Variants in CFHR2 observed in about 807,000 individuals in gnomAD.
The protein encoded by CFHR2 is complement factor H-related protein 2.
CFHR2 carries 22 observed loss-of-function variants against 21.7 expected under a neutral mutation model. That is an observed-to-expected ratio of 1.01 (90% confidence interval 0.72 to 1.45). The LOEUF is 1.45. CFHR2 is among the 40% of genes most tolerant of loss of function. CFHR2 has a pLI of 0.00. For missense variants in CFHR2, 294 were observed against 293.3 expected (o/e 1.00, Z -0.02); for synonymous variants, 98 against 97.4 (o/e 1.01, Z -0.04).
intron 1 of CFHR2, among the ~76,000 whole-genome samples, chr1:196,945,857 C>T (rs191804714): frequency 2.6e-5 from 4 of 151,388 alleles, no homozygotes; most frequent in South Asian, 2.1e-4. Context: ...AGAAGTGCGT[C>T]CTTAGGCGAT....
chr1:196,946,679 G>A (rs778018064), intron 1 of CFHR2, among the ~76,000 whole-genome samples: 1 of 152,136 alleles, frequency 6.6e-6, no homozygotes, highest in Non-Finnish European at 1.5e-5. Context: ...AAGATCTTCA[G>A]GGCAGTAACA....
Position 196,952,197 on chromosome 1 carries a change from G to A in CFHR2, c.430+1169G>A, listed in dbSNP as rs147767602. Among the ~76,000 whole-genome samples the A allele has an allele frequency of 6.3e-3, 964 of 152,278 alleles. 9 individuals are homozygous for A. The highest frequency in any genetic ancestry group is 0.022 in the African/African-American group (896 of 41,560). ...AGTCTGAAGTAGGAGGATCACTTGA[G>A]CCCAGGTGTTCAAGGCTGCAGTGAG... On this transcript the variant is annotated intron_variant, in intron 3 of 4. Coordinates refer to ENST00000367415, the MANE Select transcript of CFHR2 (RefSeq NM_005666.4).
chr1:196,955,056 C>T (rs376934208), intron 3 of CFHR2, among the ~76,000 whole-genome samples: 1 of 152,224 alleles, frequency 6.6e-6, no homozygotes, highest in East Asian at 1.9e-4. Flanking sequence ...TGAGTTTTCT[C>T]TTCTACCACA....
chr1:196,949,867 G>C (rs567496248), intron 2 of CFHR2, among the ~76,000 whole-genome samples: 1 of 152,122 alleles, frequency 6.6e-6, no homozygotes, highest in Non-Finnish European at 1.5e-5. Context: ...TCTACATGTT[G>C]AAATATATCA....
rs151252470 is a variant in CFHR2 at position 196,946,598 on chromosome 1, A to G, written c.58+2660A>G. Among the ~76,000 whole-genome samples the G allele has an allele frequency of 6.6e-3, 1,008 of 152,304 alleles. 12 individuals carry two copies. Among genetic ancestry groups the G allele is most frequent in the African/African-American group, 0.023 (967 of 41,554 alleles). ...GTTAAAAACAGACACAAACACACAT[A>G]TTAACCTCAGCCTACAAAGGGTTAG... is the stretch of plus-strand genomic sequence containing the variant. On this transcript the variant is annotated intron_variant, in intron 1 of 4. Coordinates refer to ENST00000367415, the MANE Select transcript of CFHR2 (RefSeq NM_005666.4).
intron 3 of CFHR2, among the ~76,000 whole-genome samples, chr1:196,955,331 G>A (rs138137447): frequency 3.9e-4 from 60 of 152,180 alleles, no homozygotes; most frequent in African/African-American, 1.3e-3. Context: ...TAAGCATTTT[G>A]GTCAAAACCA....
At chr1:196,955,542 G>T (rs1458604828) in intron 3 of CFHR2, among the ~76,000 whole-genome samples, 2 of 152,040 alleles carry the variant, frequency 1.3e-5, no homozygotes, top group Non-Finnish European at 1.5e-5. Context: ...CTCCAACCTG[G>T]GTAATATATC....
intron 3 of CFHR2, among the ~76,000 whole-genome samples, chr1:196,955,547 T>A (rs1200047771): frequency 6.6e-6 from 1 of 152,122 alleles, no homozygotes; most frequent in Non-Finnish European, 1.5e-5. Flanking sequence ...ACCTGGGTAA[T>A]ATATCAGTAA....
At chr1:196,945,722 G>A (rs200687608) in intron 1 of CFHR2, among the ~76,000 whole-genome samples, 18,286 of 133,116 alleles carry the variant, frequency 0.14, 1,406 homozygotes, top group Middle Eastern at 0.29. Flanking sequence ...CTAAAGAAAA[G>A]CAAAATGTAA....
At chr1:196,947,352 A>G (rs1265710517) in intron 1 of CFHR2, among the ~76,000 whole-genome samples, 5 of 152,200 alleles carry the variant, frequency 3.3e-5, no homozygotes, top group Admixed American at 2.0e-4. Context: ...GGTACAATAT[A>G]ACTGGGTGAT....
chr1:196,950,135 G>A (rs1253387932), intron 2 of CFHR2, among the ~76,000 whole-genome samples: 1 of 152,012 alleles, frequency 6.6e-6, no homozygotes, highest in East Asian at 1.9e-4. Flanking sequence ...AATGATAACA[G>A]GTATATTAAA....
At chr1:196,952,180 G>A (rs571335864) in intron 3 of CFHR2, among the ~76,000 whole-genome samples, 398 of 152,292 alleles carry the variant, frequency 2.6e-3, no homozygotes, top group Non-Finnish European at 4.3e-3. Flanking sequence ...TAAGTCTGAA[G>A]TAGGAGGATC....
chr1:196,958,113 G>T, intron 4 of CFHR2, 40 bp downstream of exon 4: 1 of 1,571,174 alleles, frequency 6.4e-7, no homozygotes, highest in Non-Finnish European at 8.8e-7. Flanking sequence ...GGAAAAATCA[G>T]TGTGATGAGT....
chr1:196,948,199 A>T (rs1443508259), intron 1 of CFHR2, among the ~76,000 whole-genome samples: 6 of 152,178 alleles, frequency 3.9e-5, no homozygotes, highest in Non-Finnish European at 8.8e-5. Context: ...ATCCAAGGAT[A>T]TGCAAGTCTC....
chr1:196,957,345 CTT>C (rs5779854), intron 3 of CFHR2, among the ~76,000 whole-genome samples: 24 of 140,062 alleles, frequency 1.7e-4, no homozygotes, highest in Admixed American at 4.3e-4. Context: ...TGTTCTTTTC[CTT>C]TTTTTTTTTT....
intron 1 of CFHR2, among the ~76,000 whole-genome samples, chr1:196,944,432 A>T (rs1401190690): frequency 2.6e-5 from 4 of 152,078 alleles, no homozygotes; most frequent in Non-Finnish European, 5.9e-5. Flanking sequence ...CTGAAACAAT[A>T]GAAAATATCA....
At chr1:196,951,562 C>T (rs1242184259) in intron 3 of CFHR2, among the ~76,000 whole-genome samples, 2 of 152,074 alleles carry the variant, frequency 1.3e-5, no homozygotes, top group Non-Finnish European at 2.9e-5. Context: ...AATGATGGCA[C>T]CTCCCAGTCC....
intron 3 of CFHR2, among the ~76,000 whole-genome samples, chr1:196,951,752 G>A (rs1242824027): frequency 6.6e-6 from 1 of 152,088 alleles, no homozygotes; most frequent in Non-Finnish European, 1.5e-5. Flanking sequence ...ACTATGCCCA[G>A]TAACTTCTGG....
intron 1 of CFHR2, among the ~76,000 whole-genome samples, chr1:196,948,696 T>C (rs1659612189): frequency 6.6e-6 from 1 of 152,172 alleles, no homozygotes; most frequent in African/African-American, 2.4e-5. Flanking sequence ...TATTGTCTTT[T>C]TATTGTTTTT....
Sources: gnomAD v4.1 joint callset for allele counts (sites outside exome capture counted in the v4.1 genomes callset) on GRCh38, gnomAD v4.1.1 for gene constraint, MANE v1.5 for transcripts, NCBI Gene and HGNC (gene_info 2026-07-23, HGNC 2026-07-21) for gene names.